PAPPA2: variants seen among roughly 807,000 people sequenced by gnomAD.
PAPPA2 encodes pappalysin 2, also known as pappalysin-2.
PAPPA2 carries 86 observed loss-of-function variants against 176.4 expected under a neutral mutation model. The ratio of observed to expected loss-of-function variants is 0.49; its 90% CI spans 0.41 to 0.58. The LOEUF (loss-of-function observed/expected upper bound fraction) is 0.58. PAPPA2 is among the 20% of genes least tolerant of loss of function. The pLI is 0.00. For synonymous variants in PAPPA2, 809 were observed against 852.2 expected (o/e 0.95, Z 0.88); for missense variants, 2,073 against 2,256.9 (o/e 0.92, Z 1.65).
At chr1:176,690,684 A>G (rs1660079050) in intron 5 of PAPPA2, 6 of 1,276,212 alleles carry the variant, frequency 4.7e-6, no homozygotes, top group Non-Finnish European at 5.9e-6. Flanking sequence ...TCTATCCTCG[A>G]TAGTAAAAAA....
At chr1:176,742,856 G>T (rs1326702624) in intron 14 of PAPPA2, among the ~76,000 whole-genome samples, 2 of 152,070 alleles carry the variant, frequency 1.3e-5, no homozygotes, top group South Asian at 4.2e-4. Context: ...ACTTACATGG[G>T]CAGGGGAGAG....
rs560181613 is a variant in PAPPA2 at position 176,569,122 on chromosome 1, G to A, written c.919+11881G>A. 1.1e-4 allele frequency among the ~76,000 whole-genome samples: 17 copies of A among 152,118 alleles called. No individual in the cohort carries two copies. In the Middle Eastern group the frequency reaches 0.01, roughly 91 times the overall value. On this transcript the variant is annotated intron_variant, in intron 2 of 22. Coordinates refer to ENST00000367662, the MANE Select transcript of PAPPA2 (RefSeq NM_020318.3). ...AACTTGCACATCCATATGTACACACGTGCACACATGTGCACAGATATACAT... is the reference window on the plus strand; with the variant it reads ...AACTTGCACATCCATATGTACACACATGCACACATGTGCACAGATATACAT...
At chr1:176,658,768 A>G (rs972172189) in intron 3 of PAPPA2, among the ~76,000 whole-genome samples, 2 of 152,068 alleles carry the variant, frequency 1.3e-5, no homozygotes, top group African/African-American at 4.8e-5. Flanking sequence ...AAAGGAAACT[A>G]AAAGAAAATC....
chr1:176,783,981 G>C (rs751675060), intron 17 of PAPPA2, among the ~76,000 whole-genome samples: 1 of 152,202 alleles, frequency 6.6e-6, no homozygotes, highest in Non-Finnish European at 1.5e-5. Flanking sequence ...GTCTACACAT[G>C]TAAGTTGGAA....
At position 176,724,185 on chromosome 1, in the gene PAPPA2, CAT is replaced by C. The variant is rs755215452; in HGVS notation, c.3798+12207_3798+12208del. 3.9e-4 allele frequency among the ~76,000 whole-genome samples: 60 copies of C among 152,280 alleles called. 1 individual carries two copies. In the Middle Eastern group the frequency reaches 0.01, roughly 26 times the overall value. ...GCACGAGCAAGCAAACAAATTAAAA[CAT>C]ATGTTGGATTGTGAGGAAAGGCTTC... On this transcript the variant is annotated intron_variant, in intron 12 of 22. Coordinates refer to ENST00000367662, the MANE Select transcript of PAPPA2 (RefSeq NM_020318.3).
At chr1:176,588,880 G>A (rs894709609) in intron 2 of PAPPA2, among the ~76,000 whole-genome samples, 37 of 152,196 alleles carry the variant, frequency 2.4e-4, no homozygotes, top group Admixed American at 2.1e-3. Context: ...TCAAGAACAG[G>A]CACACAGTCA....
chr1:176,839,438 G>T (rs1230190407), intron 21 of PAPPA2, among the ~76,000 whole-genome samples: 2 of 152,198 alleles, frequency 1.3e-5, no homozygotes, highest in African/African-American at 4.8e-5. Flanking sequence ...AGTAGCAGTG[G>T]TGGATGGAAA....
chr1:176,530,611 A>AG (rs1172228726), intron 1 of PAPPA2, among the ~76,000 whole-genome samples: 1 of 152,168 alleles, frequency 6.6e-6, no homozygotes, highest in Non-Finnish European at 1.5e-5. Context: ...TGCAAAAAAA[A>AG]AAAATCTGTA....
chr1:176,611,433 A>G (rs1220338450), intron 3 of PAPPA2, among the ~76,000 whole-genome samples: 5 of 152,234 alleles, frequency 3.3e-5, no homozygotes, highest in Admixed American at 3.3e-4. Context: ...TAATATTTTC[A>G]TTAAATGCTT....
chr1:176,512,516 A>G (rs1648668265), intron 1 of PAPPA2, among the ~76,000 whole-genome samples: 1 of 152,230 alleles, frequency 6.6e-6, no homozygotes, highest in Non-Finnish European at 1.5e-5. Flanking sequence ...TGCATACTGT[A>G]GCATTTCATT....
chr1:176,517,897 AG>A (rs1649003595), intron 1 of PAPPA2, among the ~76,000 whole-genome samples: 1 of 152,128 alleles, frequency 6.6e-6, no homozygotes. Flanking sequence ...TTTTGAAAGC[AG>A]GTTTCAGTAG....
At chr1:176,707,223 A>C (rs1237278312) in intron 10 of PAPPA2, among the ~76,000 whole-genome samples, 2 of 152,190 alleles carry the variant, frequency 1.3e-5, no homozygotes, top group East Asian at 3.8e-4. Flanking sequence ...ATGTCATGAA[A>C]TCTTAAGATA....
At chr1:176,541,250 A>G (rs1650349176) in intron 1 of PAPPA2, among the ~76,000 whole-genome samples, 1 of 152,252 alleles carries the variant, frequency 6.6e-6, no homozygotes, top group African/African-American at 2.4e-5. Flanking sequence ...AGATGCAGTT[A>G]GAGGCTTCCA....
intron 1 of PAPPA2, among the ~76,000 whole-genome samples, chr1:176,474,505 G>T (rs993737805): frequency 7.2e-5 from 11 of 152,182 alleles, no homozygotes; most frequent in Admixed American, 5.2e-4. Context: ...TACTCTATCA[G>T]ATATTTTGGG....
chr1:176,779,556 A>G (rs1416284622), intron 17 of PAPPA2, among the ~76,000 whole-genome samples: 2 of 151,596 alleles, frequency 1.3e-5, no homozygotes, highest in Non-Finnish European at 2.9e-5. Context: ...GTGGCTGAGC[A>G]GATCTTCTGA....
chr1:176,497,768 A>C (rs1647712349), intron 1 of PAPPA2, among the ~76,000 whole-genome samples: 1 of 152,190 alleles, frequency 6.6e-6, no homozygotes, highest in African/African-American at 2.4e-5. Flanking sequence ...AGAGATTTGC[A>C]TATCCTAGGG....
rs201672637 is a variant in PAPPA2, at chr1:176,765,781, T to G, written c.4267T>G (p.Cys1423Gly). The G allele has an allele frequency of 1.2e-6, 2 of 1,614,126 alleles. No homozygotes were observed. The highest frequency in any genetic ancestry group is 1.7e-6 in the Non-Finnish European group (2 of 1,180,030). Residue 1423 changes from cysteine (C) to glycine (G), a missense_variant, in exon 15 of 23, where the codon TGT becomes GGT. Cys to Gly is a radical substitution (Grantham distance 159). Around this residue, in one of 4 missense-constraint regions of PAPPA2, gnomAD observed 846 missense variants for 857.9 expected, o/e 0.99. Transcript: ENST00000367662. ...GPGLMKCAIT[C>G]QRGFALQASS... is the part of the protein sequence containing the mutation. Reference sequence around the variant, plus strand: ...AGGTCTCATGAAGTGTGCTATCACTTGTCAAAGGGGATTTGCCCTTCAGGC... The same window carrying G: ...AGGTCTCATGAAGTGTGCTATCACTGGTCAAAGGGGATTTGCCCTTCAGGC...
chr1:176,802,072 T>A (rs1665706256), intron 21 of PAPPA2, among the ~76,000 whole-genome samples: 1 of 152,090 alleles, frequency 6.6e-6, no homozygotes, highest in Admixed American at 6.6e-5. Context: ...AAATGCACAT[T>A]CTCAGGCCCC....
chr1:176,556,750 A>G lies in PAPPA2; in HGVS notation c.428A>G (p.Asp143Gly). The G allele has an allele frequency of 6.2e-7, 1 of 1,613,970 alleles. No homozygotes were observed. The highest frequency in any genetic ancestry group is 1.1e-5 in the South Asian group (1 of 91,068). ...SPIGQSELLGDDDAYLGNQRS... is the reference protein window; with the variant it reads ...SPIGQSELLGGDDAYLGNQRS... ...ATTGGGCAATCTGAGCTGCTGGGAGATGATGACGCTTATCTCGGCAATCAA... is the reference window on the plus strand; with the variant it reads ...ATTGGGCAATCTGAGCTGCTGGGAGGTGATGACGCTTATCTCGGCAATCAA... The change falls in exon 2 of 23, where the codon GAT becomes GGT. Residue 143 changes from aspartate (D) to glycine (G), a missense_variant. Physicochemically the swap from Asp to Gly is moderately conservative, Grantham distance 94. Around this residue, in one of 4 missense-constraint regions of PAPPA2, gnomAD observed 1,196 missense variants for 1,330.4 expected, o/e 0.90. Transcript: ENST00000367662.
Sources: allele counts gnomAD v4.1 joint callset (sites outside exome capture counted in the v4.1 genomes callset), GRCh38; gene constraint gnomAD v4.1.1; regional missense constraint gnomAD v4.1.1; transcripts MANE v1.5; gene names NCBI Gene and HGNC (gene_info 2026-07-23, HGNC 2026-07-21).